NDRG4: variants seen among roughly 807,000 people sequenced by gnomAD.
NDRG4 encodes protein NDRG4.
NDRG4 carries 38 observed loss-of-function variants against 55.8 expected under a neutral mutation model. The observed-to-expected ratio is 0.68, with a 90% confidence interval of 0.53 to 0.89. The LOEUF (loss-of-function observed/expected upper bound fraction) is 0.89. Ranked by LOEUF, NDRG4 falls within the 40% of genes least tolerant of loss-of-function variation. The probability of loss-of-function intolerance (pLI) is 0.00; values close to 1 mark genes in which losing one functional copy is unlikely to be tolerated. For missense variants in NDRG4, 455 were observed against 468.6 expected (o/e 0.97, Z 0.27); for synonymous variants, 190 against 182.7 (o/e 1.04, Z -0.32).
rs531892010 is a variant in NDRG4, at chr16:58,477,489, G to T, written c.-23-10267G>T. Reference sequence around the variant, plus strand: ...ACTCCCAATGGCCAAGCCTGGCCCAGTTTGAACAATGAAACAAATAATGAT... The same window carrying T: ...ACTCCCAATGGCCAAGCCTGGCCCATTTTGAACAATGAAACAAATAATGAT... On this transcript the variant is annotated intron_variant, in intron 1 of 15. Transcript: ENST00000258187. Among the ~76,000 whole-genome samples, 121 of 146,318 alleles carry T rather than the reference G, an allele frequency of 8.3e-4. 1 individual carries two copies. Among genetic ancestry groups the T allele is most frequent in the Non-Finnish European group, 2.8e-4 (18 of 64,828 alleles).
At chr16:58,508,177 C>A (rs971624913) in intron 10 of NDRG4, among the ~76,000 whole-genome samples, 178 bp downstream of exon 10, 3 of 152,210 alleles carry the variant, frequency 2.0e-5, no homozygotes, top group Non-Finnish European at 4.4e-5. Context: ...CTGGCATAGC[C>A]CCCATCCTTC....
chr16:58,504,838 A>G (rs2037645312), intron 5 of NDRG4, 189 bp downstream of exon 5: 4 of 620,100 alleles, frequency 6.5e-6, no homozygotes, highest in Non-Finnish European at 1.1e-5. Flanking sequence ...CTTTTTTAAA[A>G]AAGAGGTTCC....
At chr16:58,476,344 C>T (rs1259170792) in intron 1 of NDRG4, among the ~76,000 whole-genome samples, 1 of 152,220 alleles carries the variant, frequency 6.6e-6, no homozygotes, top group African/African-American at 2.4e-5. Flanking sequence ...TATTGGAATT[C>T]TAGTTCCATC....
rs1416271288 is a variant in NDRG4, at chr16:58,504,410, G to A, written c.300G>A (p.Val100=). The A allele has an allele frequency of 6.2e-7, 1 of 1,612,432 alleles. No homozygotes were observed. The change falls in exon 4 of 15, where the codon GTG becomes GTA. Residue 100 remains valine, a synonymous_variant. Coordinates refer to ENST00000570248, the MANE Select transcript of NDRG4 (RefSeq NM_001242835.2). ...EQLAAMLPSV[V]QHFGFKYVIG... ...TGGCTGCCATGCTCCCCAGCGTGGT[G>A]CAGCATTTCGGGTGAGTCCCCGCAC...
chr16:58,468,306 G>A (rs13333449), intron 1 of NDRG4, among the ~76,000 whole-genome samples: 51,238 of 152,126 alleles, frequency 0.34, 8,709 homozygotes, highest in African/African-American at 0.38. Flanking sequence ...CAAGGAAGGC[G>A]GGGGTTTTGG....
In NDRG4 at chr16:58,511,641, T is replaced by A. The variant is rs751670722; in HGVS notation, c.*65T>A. The A allele has an allele frequency of 6.6e-5, 106 of 1,598,776 alleles. No homozygotes were observed. Among genetic ancestry groups the A allele is most frequent in the Non-Finnish European group, 8.6e-5 (100 of 1,167,488 alleles). ...ACCGCCATCCTTGCGCCGGCTCATG[T>A]TCCCTTTAGTTTATTTTTGTGAGGG... On this transcript the variant is annotated 3_prime_UTR_variant, in exon 15 of 15. Coordinates refer to ENST00000570248, the MANE Select transcript of NDRG4 (RefSeq NM_001242835.2).
Position 58,464,692 on chromosome 16 carries a change from G to A in NDRG4, c.-24+895G>A, listed in dbSNP as rs576322492. ...TGGCGTCCGGGCTGCGGGAGCACCG[G>A]TCAGGGGGTGGCCCCATGGGGTCTC... On this transcript the variant is annotated intron_variant, in intron 1 of 15. Transcript: ENST00000258187. This position sits in a 1 kb window ranked among gnomAD's most constrained non-coding sequence, Gnocchi z 4.8. 16 of 1,172,086 alleles carry A rather than the reference G, an allele frequency of 1.4e-5. No individual in the cohort carries two copies. The South Asian group carries it at 3.1e-4, about 23-fold the overall frequency. 72.6% of individuals were successfully genotyped at this position (1,172,086 alleles called of 1,614,324 possible).
chr16:58,510,735 C>A (rs188422265), intron 14 of NDRG4, 52 bp downstream of exon 14: 2 of 1,487,818 alleles, frequency 1.3e-6, no homozygotes, highest in Non-Finnish European at 1.8e-6. Context: ...TCCTCCTCCC[C>A]CGCTCCTTCC....
At chr16:58,472,792 G>A (rs776185469) in intron 1 of NDRG4, among the ~76,000 whole-genome samples, 7 of 152,042 alleles carry the variant, frequency 4.6e-5, no homozygotes, top group Non-Finnish European at 7.4e-5. Context: ...CTCACAGACC[G>A]TCCTCCTGAA....
chr16:58,506,714 C>T, intron 7 of NDRG4, 100 bp downstream of exon 7: 1 of 1,371,614 alleles, frequency 7.3e-7, no homozygotes, highest in Non-Finnish European at 1.0e-6. Context: ...TCTGACCTGG[C>T]TCACTCCAGA....
In NDRG4 at chr16:58,506,589, C is replaced by A; in HGVS notation, c.491C>A (p.Thr164Lys). Reference sequence around the variant, plus strand: ...GGCCTAACTAGCACTTTACCCGACACGGTGCTCTCCCACCTCTTCAGCCAG... The same window carrying A: ...GGCCTAACTAGCACTTTACCCGACAAGGTGCTCTCCCACCTCTTCAGCCAG... ...LSGLTSTLPDTVLSHLFSQEE... is the reference protein window; with the variant it reads ...LSGLTSTLPDKVLSHLFSQEE... Residue 164 changes from threonine to lysine, a missense_variant, in exon 7 of 15, where the codon ACG becomes AAG. Physicochemically the swap from Thr to Lys is moderately conservative, Grantham distance 78. Coordinates refer to ENST00000570248, the MANE Select transcript of NDRG4 (RefSeq NM_001242835.2). 6.4e-7 allele frequency: 1 copy of A among 1,570,432 alleles called. No individual in the cohort carries two copies. The highest frequency in any genetic ancestry group is 2.3e-5 in the East Asian group (1 of 43,108).
chr16:58,474,028 C>CTTTTTTT (rs1168834628), intron 1 of NDRG4, among the ~76,000 whole-genome samples: 1 of 101,172 alleles, frequency 9.9e-6, no homozygotes, highest in Non-Finnish European at 1.9e-5. Flanking sequence ...TTTTCTTTCC[C>CTTTTTTT]TTTTTTTTTT....
chr16:58,465,255 T>G, intron 1 of NDRG4: 1 of 541,172 alleles, frequency 1.8e-6, no homozygotes, highest in South Asian at 1.5e-5. Context: ...CTCCGACACC[T>G]GGGGGAGGGG....
At chr16:58,504,820 G>C in intron 5 of NDRG4, 171 bp downstream of exon 5, 1 of 654,260 alleles carries the variant, frequency 1.5e-6, no homozygotes, top group Non-Finnish European at 2.6e-6. Context: ...TTCCTCCAGG[G>C]AAATTAACTT....
At chr16:58,499,761 T>TGCCCC (rs1470907355), upstream of NDRG4, 1 of 238,840 alleles carries the variant, frequency 4.2e-6, no homozygotes, top group East Asian at 1.5e-4. Flanking sequence ...CACCCTGCCC[T>TGCCCC]GCCCCGCATT....
chr16:58,489,215 C>T (rs749485027), intron 2 of NDRG4, among the ~76,000 whole-genome samples: 4 of 151,914 alleles, frequency 2.6e-5, no homozygotes, highest in Admixed American at 1.3e-4. Flanking sequence ...CGCTTGAACC[C>T]GGGAGGTTCA....
chr16:58,482,626 CTCTTT>C (rs1342269757), intron 1 of NDRG4, among the ~76,000 whole-genome samples: 2 of 151,636 alleles, frequency 1.3e-5, no homozygotes, highest in Non-Finnish European at 2.9e-5. Flanking sequence ...CTCTTCTCTT[CTCTTT>C]TTCCTTCCTT....
intron 1 of NDRG4, among the ~76,000 whole-genome samples, chr16:58,485,400 C>T (rs1429200352): frequency 6.6e-6 from 1 of 152,194 alleles, no homozygotes; most frequent in African/African-American, 2.4e-5. Context: ...TGCCCACTCT[C>T]AGCCCTTTTA....
intron 13 of NDRG4, among the ~76,000 whole-genome samples, 183 bp from the exon 14 acceptor site, chr16:58,510,462 G>C (rs2038659207): frequency 6.6e-6 from 1 of 152,194 alleles, no homozygotes. Flanking sequence ...GGGGGCCACT[G>C]CTGGGTGGGC....
Sources: gnomAD v4.1 joint callset for allele counts (sites outside exome capture counted in the v4.1 genomes callset) on GRCh38, gnomAD v4.1.1 for gene constraint, Gnocchi (gnomAD v3.1) non-coding constraint, MANE v1.5 for transcripts, NCBI Gene and HGNC (gene_info 2026-07-23, HGNC 2026-07-21) for gene names.